SLC26A5: variants seen among roughly 807,000 people sequenced by gnomAD.
SLC26A5 encodes the protein solute carrier family 26 member 5, also known as prestin.
SLC26A5 carries 51 observed loss-of-function variants against 81.0 expected under a neutral mutation model. The observed-to-expected ratio is 0.63, with a 90% CI of 0.50 to 0.80. The LOEUF (loss-of-function observed/expected upper bound fraction) is 0.80. Ranked by LOEUF, SLC26A5 falls within the 30% of genes least tolerant of loss-of-function variation. The pLI, the probability that SLC26A5 is intolerant of heterozygous loss-of-function variation, is 0.00. For missense variants in SLC26A5, 771 were observed against 905.8 expected (o/e 0.85, Z 1.91); for synonymous variants, 325 against 332.8 (o/e 0.98, Z 0.25).
intron 2 of SLC26A5, among the ~76,000 whole-genome samples, chr7:103,436,037 A>G (rs1416409261): frequency 6.6e-6 from 1 of 152,158 alleles, no homozygotes; most frequent in African/African-American, 2.4e-5. Flanking sequence ...AAGTTTTGAA[A>G]GTATTTACCA....
chr7:103,429,869 G>A (rs1470338250), intron 2 of SLC26A5, among the ~76,000 whole-genome samples: 2 of 152,184 alleles, frequency 1.3e-5, no homozygotes, highest in African/African-American at 4.8e-5. Flanking sequence ...GTAGTCTTGT[G>A]CTGTGCCCAT....
chr7:103,423,099 TAAAAA>T (rs564122483), intron 2 of SLC26A5, among the ~76,000 whole-genome samples: 2 of 87,830 alleles, frequency 2.3e-5, no homozygotes, highest in Admixed American at 1.2e-4. Context: ...CTGCCTCTAC[TAAAAA>T]AAAAAAAAAA....
chr7:103,382,346 CTT>C (rs755840628), intron 14 of SLC26A5, among the ~76,000 whole-genome samples: 5 of 114,326 alleles, frequency 4.4e-5, no homozygotes, highest in East Asian at 2.3e-4. Context: ...GCCCTATTTC[CTT>C]TTTTTTTTTT....
intron 2 of SLC26A5, among the ~76,000 whole-genome samples, chr7:103,439,974 GA>G (rs1344547845): frequency 6.6e-6 from 1 of 152,128 alleles, no homozygotes; most frequent in Non-Finnish European, 1.5e-5. Flanking sequence ...TTTCTCAGGG[GA>G]AGCTTTTTCT....
At chr7:103,368,819 G>C (rs1463983129) in intron 19 of SLC26A5, 1 of 152,152 alleles carries the variant, frequency 6.6e-6, no homozygotes, top group African/African-American at 2.4e-5. Context: ...ATACAGAAAA[G>C]TGATTACTTT....
rs775747018 is a variant in SLC26A5 at position 103,410,552 on chromosome 7, A to T, written c.571-3T>A. 3.4e-6 allele frequency: 5 copies of T among 1,490,604 alleles called. No homozygotes were observed. Among genetic ancestry groups the T allele is most frequent in the Middle Eastern group, 1.8e-4 (1 of 5,696 alleles). 92.3% of individuals were successfully genotyped at this position (1,490,604 alleles called of 1,614,324 possible). On this transcript the variant is annotated splice_polypyrimidine_tract_variant and splice_region_variant and intron_variant, in intron 6 of 19. Coordinates refer to ENST00000306312, the MANE Select transcript of SLC26A5 (RefSeq NM_198999.3). ...AACCTACAGACACCTAGGCAAAACT[A>T]TTTTTTTTTAATGACAAAGAAACAA... is the stretch of plus-strand genomic sequence containing the variant.
chr7:103,365,797 A>G (rs1289454522), intron 19 of SLC26A5, among the ~76,000 whole-genome samples: 1 of 150,862 alleles, frequency 6.6e-6, no homozygotes, highest in Non-Finnish European at 1.5e-5. Flanking sequence ...GTGTGGTGAC[A>G]CATGCCTGTA....
downstream of SLC26A5, among the ~76,000 whole-genome samples, chr7:103,369,792 A>C (rs75346955): frequency 3.7e-3 from 571 of 152,334 alleles, 4 homozygotes; most frequent in African/African-American, 0.014. Flanking sequence ...GACTTTAGAA[A>C]AATATACCGT....
intron 8 of SLC26A5, among the ~76,000 whole-genome samples, chr7:103,402,413 A>G (rs1193186570): frequency 1.1e-5 from 1 of 87,676 alleles, no homozygotes; most frequent in Non-Finnish European, 2.2e-5. Context: ...TTTTTTTTTG[A>G]GACAGAGTCT....
intron 2 of SLC26A5, among the ~76,000 whole-genome samples, chr7:103,430,089 T>C (rs1450527263): frequency 2.0e-5 from 3 of 151,804 alleles, no homozygotes; most frequent in Admixed American, 2.0e-4. Context: ...TTTTTTTTTT[T>C]TTTTTTGAAA....
At chr7:103,392,209 G>T (rs527362596) in intron 10 of SLC26A5, among the ~76,000 whole-genome samples, 121 of 152,334 alleles carry the variant, frequency 7.9e-4, no homozygotes, top group Admixed American at 6.1e-3. Context: ...CATCTCAGAT[G>T]AATGTGGAGC....
intron 2 of SLC26A5, among the ~76,000 whole-genome samples, chr7:103,426,664 A>G (rs1300445859): frequency 1.3e-5 from 2 of 152,210 alleles, no homozygotes; most frequent in East Asian, 3.9e-4. Context: ...AAAGGAAAGG[A>G]GAAGATGTTG....
chr7:103,386,820 T>C (rs1189719416), intron 14 of SLC26A5, among the ~76,000 whole-genome samples: 1 of 151,886 alleles, frequency 6.6e-6, no homozygotes, highest in Non-Finnish European at 1.5e-5. Context: ...TGGAGTGCAA[T>C]GGCTCAATCT....
chr7:103,398,258 A>G (rs1823305296), intron 8 of SLC26A5, among the ~76,000 whole-genome samples: 1 of 152,170 alleles, frequency 6.6e-6, no homozygotes, highest in African/African-American at 2.4e-5. Context: ...CCTTTTCTAT[A>G]CTAAGGCGTC....
At chr7:103,383,339 G>C (rs377013255) in intron 14 of SLC26A5, among the ~76,000 whole-genome samples, 1 of 152,220 alleles carries the variant, frequency 6.6e-6, no homozygotes, top group Non-Finnish European at 1.5e-5. Flanking sequence ...TTAGAGCATT[G>C]TTGTGGGTAC....
rs531328305 is a variant in SLC26A5, at chr7:103,386,091, C to G, written c.1514+2917G>C. On this transcript the variant is annotated intron_variant, in intron 14 of 19. Transcript: ENST00000306312. Reference sequence around the variant, plus strand: ...TACAGGTGTGCACCACCACACCCAGCTATTTTTTTTTGTATTTTTAGTAGA... The same window carrying G: ...TACAGGTGTGCACCACCACACCCAGGTATTTTTTTTTGTATTTTTAGTAGA... Among the ~76,000 whole-genome samples the G allele has an allele frequency of 9.9e-5, 15 of 151,828 alleles. 1 individual carries two copies. Among genetic ancestry groups the G allele is most frequent in the African/African-American group, 3.6e-4 (15 of 41,348 alleles).
chr7:103,404,548 C>A (rs1436829454), intron 8 of SLC26A5, among the ~76,000 whole-genome samples: 1 of 152,194 alleles, frequency 6.6e-6, no homozygotes, highest in Non-Finnish European at 1.5e-5. Flanking sequence ...GCAGATAGAT[C>A]CGCTATTAGT....
chr7:103,404,550 G>A (rs548136018), intron 8 of SLC26A5, among the ~76,000 whole-genome samples: 277 of 152,278 alleles, frequency 1.8e-3, no homozygotes, highest in African/African-American at 6.4e-3. Flanking sequence ...AGATAGATCC[G>A]CTATTAGTCT....
chr7:103,397,415 C>T (rs532387516), intron 9 of SLC26A5, among the ~76,000 whole-genome samples: 2 of 151,706 alleles, frequency 1.3e-5, no homozygotes, highest in South Asian at 4.2e-4. Context: ...GTGGCGGGTG[C>T]CTGTAGTCCC....
Sources: gnomAD v4.1 joint callset for allele counts (sites outside exome capture counted in the v4.1 genomes callset) on GRCh38, gnomAD v4.1.1 for gene constraint, MANE v1.5 for transcripts, NCBI Gene and HGNC (gene_info 2026-07-23, HGNC 2026-07-21) for gene names.